DCP1A: variants seen among roughly 807,000 people sequenced by gnomAD.
DCP1A encodes mRNA-decapping enzyme 1A.
Under a neutral mutation model 58.0 loss-of-function variants are expected in DCP1A, and 20 were observed. The observed-to-expected ratio is 0.34, with a 90% CI of 0.24 to 0.50. DCP1A has a LOEUF of 0.50. DCP1A is among the 20% of genes least tolerant of loss of function. The pLI is 0.98. For synonymous variants in DCP1A, 285 were observed against 275.1 expected (o/e 1.04, Z -0.36); for missense variants, 613 against 712.2 (o/e 0.86, Z 1.59).
chr3:53,294,230 TGGTC>T (rs1320605749), intron 6 of DCP1A, among the ~76,000 whole-genome samples: 3 of 152,158 alleles, frequency 2.0e-5, no homozygotes, highest in Non-Finnish European at 4.4e-5. Context: ...AACGTGCACT[TGGTC>T]GGCCACATAA....
chr3:53,337,667 C>A (rs1248602728), intron 3 of DCP1A, among the ~76,000 whole-genome samples: 1 of 152,180 alleles, frequency 6.6e-6, no homozygotes, highest in Non-Finnish European at 1.5e-5. Context: ...ATCTAGAAAT[C>A]ATTTGTAAGT....
chr3:53,296,025 T>C (rs1707114053), intron 6 of DCP1A, among the ~76,000 whole-genome samples: 1 of 152,022 alleles, frequency 6.6e-6, no homozygotes, highest in South Asian at 2.1e-4. Flanking sequence ...CCTGAGCAGC[T>C]GGGATTATAG....
rs781828020 is a variant in DCP1A at position 53,287,583 on chromosome 3, T to C, written c.1746A>G (p.Leu582=). 4.4e-6 allele frequency: 7 copies of C among 1,603,934 alleles called. No individual in the cohort carries two copies. Among genetic ancestry groups the C allele is most frequent in the African/African-American group, 2.7e-5 (2 of 74,572 alleles). The part of the protein sequence containing the change: ...VLTKNKDNHN[L] ...CTTTAGACTTATTCTGCTCCAGTCATAGGTTGTGGTTGTCTTTGTTCTTGG... is the reference window on the plus strand; with the variant it reads ...CTTTAGACTTATTCTGCTCCAGTCACAGGTTGTGGTTGTCTTTGTTCTTGG... Residue 582 remains leucine, a synonymous_variant, in exon 10 of 10, where the codon CTA becomes CTG. Coordinates refer to ENST00000610213, the MANE Select transcript of DCP1A (RefSeq NM_018403.7).
intron 4 of DCP1A, among the ~76,000 whole-genome samples, chr3:53,316,547 G>T (rs1707818989): frequency 1.3e-5 from 2 of 149,866 alleles, no homozygotes; most frequent in Admixed American, 6.6e-5. Context: ...GAAATGACAG[G>T]TACACACCAC....
intron 5 of DCP1A, among the ~76,000 whole-genome samples, chr3:53,310,131 A>T (rs541511509): frequency 7.3e-4 from 111 of 152,194 alleles, no homozygotes; most frequent in African/African-American, 2.4e-3. Context: ...GAAAGAACAC[A>T]TGATAAAGTA....
intron 3 of DCP1A, among the ~76,000 whole-genome samples, chr3:53,341,559 G>T (rs1373230226): frequency 6.6e-6 from 1 of 152,148 alleles, no homozygotes; most frequent in Non-Finnish European, 1.5e-5. Context: ...GTTGCTTAGG[G>T]ACATGGGCAG....
intron 4 of DCP1A, among the ~76,000 whole-genome samples, chr3:53,314,674 T>TC (rs1440882366): frequency 2.8e-5 from 4 of 141,780 alleles, no homozygotes; most frequent in African/African-American, 7.8e-5. Flanking sequence ...TTTCTTTTTT[T>TC]TTTTTTTTTT....
chr3:53,342,078 G>A, intron 3 of DCP1A, 66 bp downstream of exon 3: 2 of 1,352,902 alleles, frequency 1.5e-6, no homozygotes, highest in Non-Finnish European at 2.0e-6. Context: ...CCTAAATAAT[G>A]GATTGATAGA....
chr3:53,343,265 A>T (rs782146826), intron 2 of DCP1A, among the ~76,000 whole-genome samples: 15 of 152,238 alleles, frequency 9.9e-5, no homozygotes, highest in South Asian at 8.3e-4. Flanking sequence ...TCCAAATCCA[A>T]GCTTCTACTA....
At chr3:53,319,313 G>C (rs1553689616) in intron 4 of DCP1A, 94 bp downstream of exon 4, 3 of 763,272 alleles carry the variant, frequency 3.9e-6, no homozygotes, top group Non-Finnish European at 2.1e-6. Flanking sequence ...GGAAATACAT[G>C]AGTTGGCAGA....
intron 6 of DCP1A, among the ~76,000 whole-genome samples, chr3:53,303,961 A>T (rs1707387463): frequency 6.6e-6 from 1 of 152,192 alleles, no homozygotes; most frequent in Admixed American, 6.5e-5. Context: ...AATAGGTAAG[A>T]AGCAACCAGG....
rs541685415 is a variant in DCP1A, at chr3:53,310,465, C to T, written c.510+1776G>A. Among the ~76,000 whole-genome samples the T allele has an allele frequency of 1.1e-4, 17 of 152,288 alleles. No individual in the cohort carries two copies. In the South Asian group the frequency reaches 1.7e-3, roughly 15 times the overall value. ...TGCGCAGCACCTACAGTTTCTGTCC[C>T]GTGTGGTACCTTGATACAGTTATTA... On this transcript the variant is annotated intron_variant, in intron 5 of 9. Transcript: ENST00000610213.
At chr3:53,334,257 C>A (rs918239983) in intron 3 of DCP1A, among the ~76,000 whole-genome samples, 1 of 151,858 alleles carries the variant, frequency 6.6e-6, no homozygotes, top group Non-Finnish European at 1.5e-5. Context: ...CACAGCGAGA[C>A]CTGTCTCTAA....
rs782653345 is a variant in DCP1A, at chr3:53,304,276, G to A, written c.525C>T (p.Asp175=). 1 of 1,612,160 alleles carries A rather than the reference G, an allele frequency of 6.2e-7. No homozygotes were observed. Among genetic ancestry groups the A allele is most frequent in the South Asian group, 1.1e-5 (1 of 90,956 alleles). The change falls in exon 6 of 10, where the codon GAC becomes GAT. Residue 175 remains aspartate (D), a synonymous_variant. Coordinates refer to ENST00000610213, the MANE Select transcript of DCP1A (RefSeq NM_018403.7). The part of the protein sequence containing the change: ...KDEYERNQMG[D]SNISSPGLQP... ...GTAACCCAGGGCTGGAGATATTTGA[G>A]TCACCCATCTGATTCTTTAAAAAGT...
At chr3:53,340,097 T>C (rs1185996207) in intron 3 of DCP1A, among the ~76,000 whole-genome samples, 3 of 152,058 alleles carry the variant, frequency 2.0e-5, no homozygotes, top group African/African-American at 7.2e-5. Flanking sequence ...CTAATTTTTC[T>C]ATTTTTTTGT....
intron 3 of DCP1A, 64 bp downstream of exon 3, chr3:53,342,080 A>G: frequency 7.2e-7 from 1 of 1,382,792 alleles, no homozygotes; most frequent in African/African-American, 1.4e-5. Flanking sequence ...TAAATAATGG[A>G]TTGATAGAAA....
At chr3:53,318,492 T>C (rs976429162) in intron 4 of DCP1A, among the ~76,000 whole-genome samples, 5 of 151,908 alleles carry the variant, frequency 3.3e-5, no homozygotes, top group Non-Finnish European at 2.9e-5. Context: ...AGGCAAAAAC[T>C]GAAAAAAAGC....
intron 3 of DCP1A, among the ~76,000 whole-genome samples, chr3:53,323,379 A>G (rs543615162): frequency 6.6e-6 from 1 of 152,344 alleles, no homozygotes; most frequent in East Asian, 1.9e-4. Flanking sequence ...TGCTCTAACT[A>G]CAGTAAATCA....
At chr3:53,327,935 C>T (rs1391826922) in intron 3 of DCP1A, among the ~76,000 whole-genome samples, 1 of 151,070 alleles carries the variant, frequency 6.6e-6, no homozygotes, top group East Asian at 1.9e-4. Flanking sequence ...CCAGCCTGGC[C>T]AACATGGTGA....
Sources: allele counts gnomAD v4.1 joint callset (sites outside exome capture counted in the v4.1 genomes callset), GRCh38; gene constraint gnomAD v4.1.1; transcripts MANE v1.5; gene names NCBI Gene and HGNC (gene_info 2026-07-23, HGNC 2026-07-21).